Variants in LAMA2 observed in about 807,000 individuals in gnomAD.
LAMA2 encodes laminin subunit alpha 2.
In LAMA2, 269 loss-of-function variants were observed where a neutral mutation model predicts 364.8. The ratio of observed to expected loss-of-function variants is 0.74; its 90% confidence interval spans 0.67 to 0.82. The LOEUF (loss-of-function observed/expected upper bound fraction) is 0.82, where lower values mean the gene tolerates loss of function less well. LAMA2 is among the 40% of genes least tolerant of loss of function. The pLI is 0.00. For synonymous variants in LAMA2, 1,379 were observed against 1,370.6 expected (o/e 1.01, Z -0.14); for missense variants, 3,807 against 3,873.2 (o/e 0.98, Z 0.45).
intron 4 of LAMA2, among the ~76,000 whole-genome samples, chr6:129,099,918 C>A (rs534526950): frequency 6.6e-6 from 1 of 152,242 alleles, no homozygotes; most frequent in African/African-American, 2.4e-5. Flanking sequence ...AATTCCTGGC[C>A]AGTTTGGCCT....
At chr6:129,351,378 T>C (rs1374559960) in intron 31 of LAMA2, among the ~76,000 whole-genome samples, 2 of 152,222 alleles carry the variant, frequency 1.3e-5, no homozygotes, top group African/African-American at 2.4e-5. Flanking sequence ...TTGTGTAGCA[T>C]AGAGATGAGC....
At chr6:129,241,448 T>C (rs1785391307) in intron 12 of LAMA2, among the ~76,000 whole-genome samples, 1 of 152,212 alleles carries the variant, frequency 6.6e-6, no homozygotes, top group East Asian at 1.9e-4. Context: ...ACAACATTTA[T>C]TGAATACATG....
intron 4 of LAMA2, among the ~76,000 whole-genome samples, chr6:129,125,868 G>A (rs1282630281): frequency 6.6e-6 from 1 of 151,962 alleles, no homozygotes; most frequent in East Asian, 1.9e-4. Context: ...ATTCCACATT[G>A]CATTCATATA....
intron 40 of LAMA2, among the ~76,000 whole-genome samples, chr6:129,418,282 C>G (rs1033130775): frequency 6.6e-6 from 1 of 151,740 alleles, no homozygotes; most frequent in Admixed American, 6.6e-5. Context: ...TATGGATATC[C>G]CTAAAGGTCT....
chr6:129,492,327 T>C lies in LAMA2; in HGVS notation c.8088T>C (p.Phe2696=). 6.2e-7 allele frequency: 1 copy of C among 1,614,136 alleles called. No homozygotes were observed. Among genetic ancestry groups the C allele is most frequent in the South Asian group, 1.1e-5 (1 of 91,086 alleles). ...TACATTCTATTAGCCCCATGGACTT[T>C]GCAAGGCCTGTGTCCTTCAAAAATG... ...NLVINSVPMD[F]ARPVSFKNAD... is the part of the protein sequence containing the mutation. The change falls in exon 58 of 65, where the codon TTT becomes TTC. Residue 2696 remains phenylalanine, a synonymous_variant. Transcript: ENST00000421865.
At chr6:129,250,295 G>C in intron 13 of LAMA2, 82 bp downstream of exon 13, 1 of 858,560 alleles carries the variant, frequency 1.2e-6, no homozygotes, top group South Asian at 1.3e-5. Context: ...TACCTGCCTG[G>C]TTTGACACTG....
At chr6:129,365,938 AC>A (rs1562497143) in intron 32 of LAMA2, among the ~76,000 whole-genome samples, 1 of 152,166 alleles carries the variant, frequency 6.6e-6, no homozygotes, top group Non-Finnish European at 1.5e-5. Context: ...TGTGCAATAC[AC>A]TTTTTCTCCC....
At chr6:129,492,662 A>G (rs961662689) in intron 58 of LAMA2, among the ~76,000 whole-genome samples, 179 bp downstream of exon 58, 3 of 152,210 alleles carry the variant, frequency 2.0e-5, no homozygotes, top group African/African-American at 7.2e-5. Context: ...TCCATCTTCA[A>G]TTTTGTTTAC....
chr6:128,890,740 T>C (rs1467984192), intron 1 of LAMA2, among the ~76,000 whole-genome samples: 1 of 152,126 alleles, frequency 6.6e-6, no homozygotes, highest in Non-Finnish European at 1.5e-5. Context: ...GAAGTAACTT[T>C]ACAGAAGTTA....
intron 29 of LAMA2, among the ~76,000 whole-genome samples, chr6:129,332,665 G>T (rs922890850): frequency 2.6e-5 from 4 of 152,102 alleles, no homozygotes; most frequent in African/African-American, 9.6e-5. Flanking sequence ...TATCAAGCAC[G>T]CATTTCTCAT....
At position 129,325,535 on chromosome 6, in the gene LAMA2, T is replaced by G. The variant is rs1055089344; in HGVS notation, c.4177-2743T>G. ...ATCAAGGAAAAGAGAGAATTTCTGT[T>G]TTTTTTTTTAAAAAAAACAGCACGT... On this transcript the variant is annotated intron_variant, in intron 28 of 64. Coordinates refer to ENST00000421865, the MANE Select transcript of LAMA2 (RefSeq NM_000426.4). 3.3e-5 allele frequency among the ~76,000 whole-genome samples: 5 copies of G among 150,726 alleles called. 1 individual carries two copies. Among genetic ancestry groups the G allele is most frequent in the East Asian group, 1.9e-4 (1 of 5,132 alleles).
intron 34 of LAMA2, among the ~76,000 whole-genome samples, chr6:129,376,322 G>A (rs537179636): frequency 9.9e-5 from 15 of 152,214 alleles, no homozygotes; most frequent in East Asian, 1.9e-4. Flanking sequence ...TGTGTGTATG[G>A]CATTCATCTC....
At chr6:128,897,847 G>C (rs1160133844) in intron 1 of LAMA2, among the ~76,000 whole-genome samples, 1 of 152,146 alleles carries the variant, frequency 6.6e-6, no homozygotes, top group African/African-American at 2.4e-5. Flanking sequence ...GTTAACAGGA[G>C]CTGTAGTACT....
intron 17 of LAMA2, among the ~76,000 whole-genome samples, chr6:129,274,293 T>C (rs1389981756): frequency 6.6e-6 from 1 of 151,898 alleles, no homozygotes. Flanking sequence ...AGGGAAACTA[T>C]CCTTTTTAAA....
intron 1 of LAMA2, among the ~76,000 whole-genome samples, chr6:128,903,400 GT>G (rs753480377): frequency 6.6e-6 from 1 of 152,076 alleles, no homozygotes; most frequent in Non-Finnish European, 1.5e-5. Context: ...TTTCAATTCT[GT>G]TTTAAAGAAA....
chr6:128,914,545 T>A (rs1778190891), intron 1 of LAMA2, among the ~76,000 whole-genome samples: 1 of 152,188 alleles, frequency 6.6e-6, no homozygotes, highest in Non-Finnish European at 1.5e-5. Flanking sequence ...TCCAACCATG[T>A]CTAATTTTAA....
intron 34 of LAMA2, among the ~76,000 whole-genome samples, chr6:129,370,540 C>T (rs549103945): frequency 6.6e-6 from 1 of 152,152 alleles, no homozygotes; most frequent in Non-Finnish European, 1.5e-5. Flanking sequence ...TTCAAAACTG[C>T]GATGGTATTA....
At chr6:129,315,274 A>G (rs1032204450) in intron 24 of LAMA2, among the ~76,000 whole-genome samples, 7 of 152,176 alleles carry the variant, frequency 4.6e-5, no homozygotes, top group Non-Finnish European at 1.0e-4. Flanking sequence ...GTGTCCACAG[A>G]TATTGTGGCT....
At chr6:129,365,252 A>G (rs1195028156) in intron 32 of LAMA2, among the ~76,000 whole-genome samples, 1 of 152,278 alleles carries the variant, frequency 6.6e-6, no homozygotes, top group African/African-American at 2.4e-5. Context: ...GCATCTAATC[A>G]TGGGTGGTAA....
Sources: gnomAD v4.1 joint callset for allele counts (sites outside exome capture counted in the v4.1 genomes callset) on GRCh38, gnomAD v4.1.1 for gene constraint, MANE v1.5 for transcripts, NCBI Gene and HGNC (gene_info 2026-07-23, HGNC 2026-07-21) for gene names.